The following PPFIBP1 variants were observed in gnomAD, a reference collection of about 807,000 sequenced individuals.
PPFIBP1 encodes the protein PPFIB scaffold protein 1.
Under a neutral mutation model 137.8 loss-of-function variants are expected in PPFIBP1, and 112 were observed. The observed-to-expected ratio is 0.81, with a 90% CI of 0.70 to 0.95. The LOEUF (loss-of-function observed/expected upper bound fraction) is 0.95, where lower values mean the gene tolerates loss of function less well. PPFIBP1 is among the 40% of genes least tolerant of loss of function. The pLI is 0.00. For synonymous variants in PPFIBP1, 378 were observed against 417.3 expected (o/e 0.91, Z 1.15); for missense variants, 1,083 against 1,196.6 (o/e 0.91, Z 1.40).
At chr12:27,564,105 T>TCGGCC (rs1350116048) in intron 1 of PPFIBP1, among the ~76,000 whole-genome samples, 2 of 152,100 alleles carry the variant, frequency 1.3e-5, no homozygotes, top group Non-Finnish European at 2.9e-5. Flanking sequence ...ACTCCTGACC[T>TCGGCC]TGTGATCCGC....
chr12:27,611,218 G>T (rs767403595), intron 2 of PPFIBP1, among the ~76,000 whole-genome samples: 1 of 152,178 alleles, frequency 6.6e-6, no homozygotes, highest in African/African-American at 2.4e-5. Context: ...CCTATATAGC[G>T]CTGTAGCTGG....
Position 27,688,135 on chromosome 12 carries a change from A to G in PPFIBP1, c.2371-163A>G, listed in dbSNP as rs903466257. 4 of 821,706 alleles carry G rather than the reference A, an allele frequency of 4.9e-6. No homozygotes were observed. In the African/African-American group the frequency reaches 6.9e-5, roughly 14 times the overall value. The allele number at this position is 821,706 out of a possible 1,614,324, so 50.9% of individuals were successfully genotyped here. On this transcript the variant is annotated intron_variant, in intron 25 of 29. Coordinates refer to ENST00000228425, the MANE Select transcript of PPFIBP1 (RefSeq NM_003622.4). ...CTAAAGCAATGCTTTATTAGTATAT[A>G]AGAAAGCTTGAAACTCAAACTATGA...
intron 1 of PPFIBP1, among the ~76,000 whole-genome samples, chr12:27,534,520 G>A (rs887151179): frequency 3.9e-5 from 6 of 151,928 alleles, no homozygotes; most frequent in Non-Finnish European, 8.8e-5. Flanking sequence ...AATGTGTCTC[G>A]AGGCAGGAAG....
At chr12:27,683,834 C>T (rs2061030349) in intron 24 of PPFIBP1, among the ~76,000 whole-genome samples, 2 of 152,066 alleles carry the variant, frequency 1.3e-5, no homozygotes, top group Admixed American at 6.5e-5. Flanking sequence ...GTCGCCCAGG[C>T]TGGAGTGCAG....
rs976526565 is a variant in PPFIBP1, at chr12:27,636,775, G to A, written c.270+1660G>A. 8 of 152,194 alleles carry A rather than the reference G, an allele frequency of 5.3e-5. No homozygotes were observed. In the East Asian group the frequency reaches 5.8e-4, roughly 11 times the overall value. The allele number at this position is 152,194 out of a possible 1,614,324, so 9.4% of individuals were successfully genotyped here. On this transcript the variant is annotated intron_variant, in intron 4 of 29. Coordinates refer to ENST00000228425, the MANE Select transcript of PPFIBP1 (RefSeq NM_003622.4). ...CACAGTGCTTACTGTGGGCTGCAAG[G>A]CCTCGTAGGATTTGCCCCCCATGAC...
chr12:27,558,432 A>C (rs1195981847), intron 1 of PPFIBP1, among the ~76,000 whole-genome samples: 1 of 151,906 alleles, frequency 6.6e-6, no homozygotes, highest in East Asian at 1.9e-4. Flanking sequence ...TGCAGTACAG[A>C]AAATCAAGAC....
At chr12:27,666,120 T>C (rs888175828) in intron 12 of PPFIBP1, among the ~76,000 whole-genome samples, 2 of 152,106 alleles carry the variant, frequency 1.3e-5, no homozygotes, top group Admixed American at 6.6e-5. Flanking sequence ...AGAAAAGAGA[T>C]AAAAATCACT....
chr12:27,662,135 A>G (rs975046599), intron 11 of PPFIBP1, among the ~76,000 whole-genome samples: 1 of 152,188 alleles, frequency 6.6e-6, no homozygotes, highest in Non-Finnish European at 1.5e-5. Flanking sequence ...TTCAAAGAGG[A>G]CATAATTTGA....
chr12:27,555,147 T>C (rs2048610468), intron 1 of PPFIBP1, among the ~76,000 whole-genome samples: 1 of 152,060 alleles, frequency 6.6e-6, no homozygotes, highest in African/African-American at 2.4e-5. Flanking sequence ...CCTCAGAAAA[T>C]ATTCGGGCTT....
At chr12:27,526,708 A>G (rs306650) in intron 1 of PPFIBP1, among the ~76,000 whole-genome samples, 13,904 of 152,068 alleles carry the variant, frequency 0.091, 909 homozygotes, top group East Asian at 0.27. Flanking sequence ...GGTGGTGGGC[A>G]CCTGTAATCT....
At chr12:27,597,259 C>T (rs2053425386) in intron 2 of PPFIBP1, among the ~76,000 whole-genome samples, 1 of 152,128 alleles carries the variant, frequency 6.6e-6, no homozygotes, top group Non-Finnish European at 1.5e-5. Flanking sequence ...CCTCCGCCTC[C>T]CGGGTTCAAG....
chr12:27,620,813 A>G (rs1392752486), intron 2 of PPFIBP1, among the ~76,000 whole-genome samples: 1 of 152,144 alleles, frequency 6.6e-6, no homozygotes, highest in Non-Finnish European at 1.5e-5. Context: ...GCTAATGTTA[A>G]TGTTATTCCT....
intron 9 of PPFIBP1, among the ~76,000 whole-genome samples, chr12:27,657,707 A>C (rs1237159447): frequency 6.6e-6 from 1 of 151,914 alleles, no homozygotes; most frequent in African/African-American, 2.4e-5. Context: ...CTCACCACCA[A>C]CCGCTTCACC....
In PPFIBP1 at chr12:27,595,278, G is replaced by A. The variant is rs929744774; in HGVS notation, c.-36+17039G>A. 5.3e-5 allele frequency among the ~76,000 whole-genome samples: 8 copies of A among 152,300 alleles called. No homozygotes were observed. In the East Asian group the frequency reaches 5.8e-4, roughly 11 times the overall value. ...CACACACACGCGCATACACACATGC[G>A]TGTGCTCACACACACACATGCACGC... On this transcript the variant is annotated intron_variant, in intron 2 of 29. Coordinates refer to ENST00000228425, the MANE Select transcript of PPFIBP1 (RefSeq NM_003622.4).
chr12:27,603,274 A>G (rs1175534281), intron 2 of PPFIBP1, among the ~76,000 whole-genome samples: 1 of 152,174 alleles, frequency 6.6e-6, no homozygotes, highest in Non-Finnish European at 1.5e-5. Flanking sequence ...CTGCATCTAT[A>G]AAATAGAGAT....
intron 4 of PPFIBP1, among the ~76,000 whole-genome samples, chr12:27,639,835 CG>C (rs1451731882): frequency 2.0e-5 from 3 of 152,164 alleles, no homozygotes; most frequent in Admixed American, 2.0e-4. Flanking sequence ...AGTTCAGCCA[CG>C]GGACATGCTC....
At chr12:27,649,098 C>T (rs572396109) in intron 6 of PPFIBP1, among the ~76,000 whole-genome samples, 1 of 152,078 alleles carries the variant, frequency 6.6e-6, no homozygotes, top group Admixed American at 6.5e-5. Context: ...AAAACATATA[C>T]CCCATAAATG....
intron 1 of PPFIBP1, among the ~76,000 whole-genome samples, chr12:27,561,759 G>C (rs1478878718): frequency 1.3e-5 from 2 of 152,046 alleles, no homozygotes; most frequent in African/African-American, 4.8e-5. Flanking sequence ...TCTTCTCTCT[G>C]CTTGGGATGC....
intron 2 of PPFIBP1, chr12:27,593,996 G>A: frequency 7.3e-7 from 1 of 1,377,112 alleles, no homozygotes; most frequent in Non-Finnish European, 9.4e-7. Flanking sequence ...ATTGGATTTG[G>A]AGCTGTCGTC....
Sources: gnomAD v4.1 joint callset for allele counts (sites outside exome capture counted in the v4.1 genomes callset) on GRCh38, gnomAD v4.1.1 for gene constraint, MANE v1.5 for transcripts, NCBI Gene and HGNC (gene_info 2026-07-23, HGNC 2026-07-21) for gene names.